The following REV3L variants were observed in gnomAD, a reference collection of about 807,000 sequenced individuals.
The protein encoded by REV3L is REV3 like, DNA directed polymerase zeta catalytic subunit.
REV3L carries 69 observed loss-of-function variants against 299.4 expected under a neutral mutation model. The observed-to-expected ratio is 0.23, with a 90% confidence interval of 0.19 to 0.28. The LOEUF is 0.28. Among genes scored for constraint, REV3L ranks in the 10% least tolerant of loss-of-function variants. The probability of loss-of-function intolerance (pLI) is 1.00; values close to 1 mark genes in which losing one functional copy is unlikely to be tolerated. For missense variants in REV3L, 3,128 were observed against 3,693.8 expected, an observed-to-expected ratio of 0.85 and a Z score of 3.97; for synonymous variants, 1,238 against 1,271.4, an observed-to-expected ratio of 0.97 and a Z score of 0.56.
chr6:111,369,275 C>CT (rs1344646493), intron 13 of REV3L, among the ~76,000 whole-genome samples: 2 of 99,496 alleles, frequency 2.0e-5, no homozygotes, highest in Non-Finnish European at 4.0e-5. Flanking sequence ...GAGCCAGACT[C>CT]TGTCTCAAAA....
intron 1 of REV3L, among the ~76,000 whole-genome samples, chr6:111,422,665 T>TATATATATACAC (rs1562287948): frequency 8.0e-5 from 3 of 37,452 alleles, no homozygotes; most frequent in African/African-American, 1.7e-4. Context: ...TATATATACA[T>TATATATATACAC]ATATATATAT....
intron 22 of REV3L, 100 bp from the exon 23 acceptor site, chr6:111,333,467 G>C: frequency 7.2e-7 from 1 of 1,382,446 alleles, no homozygotes; most frequent in Non-Finnish European, 9.7e-7. Flanking sequence ...TTCAGAATAA[G>C]ATTGTATGAC....
At chr6:111,411,745 G>A (rs1474102833) in intron 2 of REV3L, among the ~76,000 whole-genome samples, 191 bp from the exon 3 acceptor site, 1 of 152,010 alleles carries the variant, frequency 6.6e-6, no homozygotes, top group African/African-American at 2.4e-5. Flanking sequence ...AAATACTGAA[G>A]CTTTTTTAAA....
intron 1 of REV3L, among the ~76,000 whole-genome samples, chr6:111,471,403 T>C (rs576051494): frequency 6.6e-6 from 1 of 152,306 alleles, no homozygotes; most frequent in Admixed American, 6.5e-5. Context: ...ATGTAAAAAA[T>C]CTCATACCAC....
At chr6:111,407,403 T>C (rs1337239158) in intron 3 of REV3L, among the ~76,000 whole-genome samples, 2 of 152,102 alleles carry the variant, frequency 1.3e-5, no homozygotes, top group Admixed American at 6.6e-5. Flanking sequence ...CAACCATAGA[T>C]GTTAAAATGT....
rs750162731 is a variant in REV3L, at chr6:111,333,215, G to C, written c.7833C>G (p.Leu2611=). The C allele has an allele frequency of 6.2e-7, 1 of 1,614,132 alleles. No individual in the cohort carries two copies. The highest frequency in any genetic ancestry group is 8.5e-7 in the Non-Finnish European group (1 of 1,180,006). ...GATAAAGTGATTGGAAATCCAAAACGAGAACAGAGTTGCTATAGAAGCGGG... is the reference window on the plus strand; with the variant it reads ...GATAAAGTGATTGGAAATCCAAAACCAGAACAGAGTTGCTATAGAAGCGGG... The part of the protein sequence containing the change: ...PESRFYSNSV[L]VLDFQSLYPS... The change falls in exon 23 of 32, where the codon CTC becomes CTG. Residue 2611 remains leucine, a synonymous_variant. Transcript: ENST00000368802.
At chr6:111,410,804 C>G (rs1784163820) in intron 3 of REV3L, among the ~76,000 whole-genome samples, 1 of 152,078 alleles carries the variant, frequency 6.6e-6, no homozygotes, top group Non-Finnish European at 1.5e-5. Context: ...CTTTTTGGAA[C>G]CCAGTACCTA....
chr6:111,323,473 T>C (rs1028319536), intron 25 of REV3L, among the ~76,000 whole-genome samples: 13 of 152,184 alleles, frequency 8.5e-5, no homozygotes, highest in African/African-American at 3.1e-4. Context: ...GAAAAATGTA[T>C]CTAATTATAT....
At position 111,483,149 on chromosome 6, in the gene REV3L, CCACCGCCGG is replaced by C. The variant is rs1415291101; in HGVS notation, c.-270_-262del. The C allele has an allele frequency of 4.1e-6, 2 of 489,688 alleles. No individual in the cohort carries two copies. The highest frequency in any genetic ancestry group is 7.1e-6 in the Non-Finnish European group (2 of 283,052). 30.3% of individuals were successfully genotyped at this position (489,688 alleles called of 1,614,324 possible). ...GGTGCTGGTGCTGCCGCCACTGCCG[CCACCGCCGG>C]GAATCACACGGGCTCCTCGGTCCCA... On this transcript the variant is annotated 5_prime_UTR_variant, in exon 1 of 32. Transcript: ENST00000368802.
chr6:111,367,534 C>G lies in REV3L; in HGVS notation c.6254G>C (p.Ser2085Thr), dbSNP rs1779347832. The part of the protein sequence containing the change: ...IALQAPTTGC[S>T]QTASESQMLP... ...CATCTGACTTTCACTTGCAGTTTGA[C>G]TACATCCCGTGGTTGGTGCTTGTAA... Residue 2085 changes from serine (S) to threonine (T), a missense_variant, in exon 14 of 32, where the codon AGT becomes ACT. Physicochemically the swap from Ser to Thr is moderately conservative, Grantham distance 58. Transcript: ENST00000368802. 1.9e-6 allele frequency: 3 copies of G among 1,612,838 alleles called. No individual in the cohort carries two copies. In the Admixed American group the frequency reaches 5.0e-5, roughly 27 times the overall value.
At chr6:111,446,396 T>C (rs910381917) in intron 1 of REV3L, among the ~76,000 whole-genome samples, 2 of 152,190 alleles carry the variant, frequency 1.3e-5, no homozygotes, top group African/African-American at 2.4e-5. Flanking sequence ...GAAGTGACTT[T>C]AGTTATAAAA....
chr6:111,324,706 G>A (rs935910360), intron 25 of REV3L, among the ~76,000 whole-genome samples: 1 of 152,148 alleles, frequency 6.6e-6, no homozygotes. Flanking sequence ...AGGGGGAGGC[G>A]GAAGAGGGAA....
intron 1 of REV3L, among the ~76,000 whole-genome samples, chr6:111,443,718 A>T (rs1788534988): frequency 6.6e-6 from 1 of 152,200 alleles, no homozygotes; most frequent in South Asian, 2.1e-4. Flanking sequence ...AAACTTTGGT[A>T]GTTGCTTAAT....
In REV3L at chr6:111,310,202, C is replaced by G. The variant is rs568552693; in HGVS notation, c.8796-103G>C. 4.1e-5 allele frequency: 56 copies of G among 1,349,752 alleles called. 1 individual carries two copies. In the South Asian group the frequency reaches 9.1e-4, roughly 22 times the overall value. 83.6% of individuals were successfully genotyped at this position (1,349,752 alleles called of 1,614,324 possible). A position where few individuals can be genotyped will look rare whatever the true frequency, so the allele number is the denominator to read the frequency against. On this transcript the variant is annotated intron_variant, in intron 29 of 31. Transcript: ENST00000368802. ...AAACAATAATAAAACAATGAAAAAA[C>G]TACAAAAGACAATTTCAAAACAGAA... is the stretch of plus-strand genomic sequence containing the variant.
At chr6:111,475,153 A>G (rs972032985) in intron 1 of REV3L, among the ~76,000 whole-genome samples, 2 of 151,868 alleles carry the variant, frequency 1.3e-5, no homozygotes, top group Non-Finnish European at 2.9e-5. Flanking sequence ...TTTTTTCCTC[A>G]TATCTTTGAC....
At chr6:111,470,174 TCACACA>T (rs6149753) in intron 1 of REV3L, among the ~76,000 whole-genome samples, 157 of 150,370 alleles carry the variant, frequency 1.0e-3, no homozygotes, top group Middle Eastern at 3.4e-3. Context: ...TTACTATCTC[TCACACA>T]CACACACACA....
At chr6:111,481,116 G>A (rs1406668234) in intron 1 of REV3L, among the ~76,000 whole-genome samples, 1 of 152,154 alleles carries the variant, frequency 6.6e-6, no homozygotes, top group African/African-American at 2.4e-5. Context: ...AAAATTATGT[G>A]TGGAAAAGTA....
chr6:111,399,184 T>C (rs1357585394), intron 4 of REV3L, among the ~76,000 whole-genome samples: 2 of 152,228 alleles, frequency 1.3e-5, no homozygotes, highest in South Asian at 4.1e-4. Context: ...ATCTAATGTA[T>C]ATACTCTAGA....
intron 2 of REV3L, among the ~76,000 whole-genome samples, chr6:111,414,376 A>G (rs1197705487): frequency 6.6e-6 from 1 of 152,134 alleles, no homozygotes; most frequent in Non-Finnish European, 1.5e-5. Context: ...AGAGAAAGTC[A>G]CTGTTTCTGA....
Sources: allele counts gnomAD v4.1 joint callset (sites outside exome capture counted in the v4.1 genomes callset), GRCh38; gene constraint gnomAD v4.1.1; transcripts MANE v1.5; gene names NCBI Gene and HGNC (gene_info 2026-07-23, HGNC 2026-07-21).